The following IQCK variants were observed in gnomAD, a reference collection of about 807,000 sequenced individuals.
IQCK encodes the protein IQ motif containing K, also known as IQ domain-containing protein K.
Under a neutral mutation model 28.1 loss-of-function variants are expected in IQCK, and 29 were observed. That is an observed-to-expected ratio of 1.03 (90% CI 0.77 to 1.41). The LOEUF is 1.41. Ranked by LOEUF, IQCK falls within the 40% of genes most tolerant of loss-of-function variation. The probability of loss-of-function intolerance (pLI) is 0.00; values close to 1 mark genes in which losing one functional copy is unlikely to be tolerated. For missense variants in IQCK, 359 were observed against 314.7 expected, an observed-to-expected ratio of 1.14 and a Z score of -1.07; for synonymous variants, 113 against 115.1, an observed-to-expected ratio of 0.98 and a Z score of 0.12.
chr16:19,836,755 G>C (rs1483164443), intron 9 of IQCK, among the ~76,000 whole-genome samples: 1 of 152,072 alleles, frequency 6.6e-6, no homozygotes, highest in East Asian at 1.9e-4. Context: ...TTTGTGATCC[G>C]CCCGCCCTGG....
Position 19,779,225 on chromosome 16 carries a change from G to A in IQCK, c.606-9613G>A, listed in dbSNP as rs1443331526. ...GAAATCAACCTAATAGTGCATACAGGGAGGTGACTACAGTGAAGAGATGAT... is the reference window on the plus strand; with the variant it reads ...GAAATCAACCTAATAGTGCATACAGAGAGGTGACTACAGTGAAGAGATGAT... On this transcript the variant is annotated intron_variant, in intron 6 of 7. Coordinates refer to ENST00000564186, the Ensembl canonical transcript of IQCK. Among the ~76,000 whole-genome samples the A allele has an allele frequency of 7.2e-5, 11 of 152,284 alleles. No individual in the cohort carries two copies. In the South Asian group the frequency reaches 2.1e-3, roughly 29 times the overall value.
In IQCK at chr16:19,801,918, G is replaced by A. The variant is rs147496233; in HGVS notation, c.690+12996G>A. Among the ~76,000 whole-genome samples the A allele has an allele frequency of 1.8e-3, 270 of 147,658 alleles. 8 individuals carry two copies. Among genetic ancestry groups the A allele is most frequent in the South Asian group, 5.6e-3 (27 of 4,816 alleles). On this transcript the variant is annotated intron_variant, in intron 7 of 7. Coordinates refer to ENST00000564186, the Ensembl canonical transcript of IQCK. ...ACAGCTCAGGATAAAAACCAAACAC[G>A]TATGGAAAGGACCTTTAAACAATAC...
intron 1 of IQCK, among the ~76,000 whole-genome samples, chr16:19,723,414 T>C (rs1285421658): frequency 6.6e-6 from 1 of 152,186 alleles, no homozygotes; most frequent in Non-Finnish European, 1.5e-5. Context: ...CAACCATTTA[T>C]TGAGCTGCTG....
intron 6 of IQCK, among the ~76,000 whole-genome samples, chr16:19,772,338 GT>G (rs1453446545): frequency 1.3e-5 from 2 of 152,100 alleles, no homozygotes; most frequent in Non-Finnish European, 2.9e-5. Context: ...AATCAAGACA[GT>G]TTGTTTTTAA....
intron 7 of IQCK, among the ~76,000 whole-genome samples, chr16:19,792,770 C>T (rs1181408546): frequency 8.8e-6 from 1 of 113,700 alleles, no homozygotes; most frequent in Admixed American, 7.6e-5. Context: ...CGGAGGGGGG[C>T]GTTTCACCAT....
chr16:19,792,567 A>G (rs1484574462), intron 7 of IQCK, among the ~76,000 whole-genome samples: 1 of 103,748 alleles, frequency 9.6e-6, no homozygotes, highest in African/African-American at 9.1e-5. Context: ...TATACTGAAC[A>G]CCTTTTTTTT....
rs760463677 is a variant in IQCK, at chr16:19,757,170, G to A, written c.475-6678G>A. Among the ~76,000 whole-genome samples, 41 of 152,106 alleles carry A rather than the reference G, an allele frequency of 2.7e-4. 2 individuals carry two copies. The highest frequency in any genetic ancestry group is 1.6e-4 in the Non-Finnish European group (11 of 68,018). On this transcript the variant is annotated intron_variant, in intron 4 of 7. Coordinates refer to ENST00000564186, the Ensembl canonical transcript of IQCK. ...AAAGAGTCTCAACCAACACAGTGCC[G>A]TAGCCAGCCACACTTCAGTCCCCTG...
At chr16:19,832,168 G>A (rs201806324), downstream of IQCK, among the ~76,000 whole-genome samples, 1 of 151,612 alleles carries the variant, frequency 6.6e-6, no homozygotes, top group Non-Finnish European at 1.5e-5. Context: ...AATCTAGTAT[G>A]AGCAGGGAGA....
At chr16:19,768,430 G>A (rs1193305778) in intron 6 of IQCK, among the ~76,000 whole-genome samples, 1 of 152,122 alleles carries the variant, frequency 6.6e-6, no homozygotes, top group African/African-American at 2.4e-5. Context: ...CTGAGCTTTT[G>A]GGATAGATAA....
chr16:19,814,220 C>CAAA (rs71146272), intron 7 of IQCK, among the ~76,000 whole-genome samples: 6 of 19,424 alleles, frequency 3.1e-4, no homozygotes, highest in African/African-American at 5.3e-4. Context: ...AACTCTATCT[C>CAAA]AAAAAAAAAA....
chr16:19,737,017 C>T (rs2054765470), intron 4 of IQCK, among the ~76,000 whole-genome samples: 1 of 151,300 alleles, frequency 6.6e-6, no homozygotes, highest in African/African-American at 2.4e-5. Flanking sequence ...AGAAAATTAG[C>T]CAGGCATGGT....
chr16:19,823,745 T>C (rs1342644369), intron 7 of IQCK, among the ~76,000 whole-genome samples: 1 of 152,180 alleles, frequency 6.6e-6, no homozygotes, highest in Non-Finnish European at 1.5e-5. Context: ...GAGACCAGCC[T>C]GGCCAACATG....
exon 3 of IQCK, chr16:19,733,747 A>T (rs376042830): frequency 6.2e-6 from 10 of 1,614,154 alleles, no homozygotes; most frequent in Non-Finnish European, 7.6e-6. Context: ...GCAGAGCACT[A>T]TTTTCCGGTT....
At chr16:19,806,549 G>C (rs1332685844) in intron 7 of IQCK, among the ~76,000 whole-genome samples, 3 of 151,086 alleles carry the variant, frequency 2.0e-5, no homozygotes, top group Admixed American at 6.6e-5. Flanking sequence ...AAATAGCTGA[G>C]TGTGGTGGCA....
Position 19,730,413 on chromosome 16 carries a change from T to A in IQCK, c.182-17T>A. 1 of 1,577,670 alleles carries A rather than the reference T, an allele frequency of 6.3e-7. No homozygotes were observed. The highest frequency in any genetic ancestry group is 1.2e-5 in the South Asian group (1 of 85,042). On this transcript the variant is annotated splice_polypyrimidine_tract_variant and intron_variant, in intron 1 of 7. Coordinates refer to ENST00000564186, the Ensembl canonical transcript of IQCK. ...AGTGAAGTATGGAATTGAGGATTTT[T>A]TTTCCCTTCCCTTTAGAGTATGAAG...
chr16:19,821,278 C>CA (rs1232445574), intron 7 of IQCK, among the ~76,000 whole-genome samples: 1 of 152,190 alleles, frequency 6.6e-6, no homozygotes, highest in African/African-American at 2.4e-5. Context: ...TTAGAGCCCT[C>CA]ATTCATTGCT....
chr16:19,839,275 C>T lies in IQCK; in HGVS notation c.802+12138C>T, dbSNP rs551529054. 1.4e-4 allele frequency among the ~76,000 whole-genome samples: 21 copies of T among 151,770 alleles called. No homozygotes were observed. The South Asian group carries it at 4.2e-3, about 30-fold the overall frequency. On this transcript the variant is annotated intron_variant, in intron 9 of 9. Coordinates refer to the IQCK transcript ENST00000320394. ...TCCAGGGTTCAAGGGTTCCTCCTGC[C>T]TCAGCCTCCCGAGTAGCTGGGATTA...
intron 1 of IQCK, among the ~76,000 whole-genome samples, chr16:19,721,824 C>T (rs1163656151): frequency 3.3e-5 from 5 of 152,100 alleles, no homozygotes; most frequent in Non-Finnish European, 7.3e-5. Flanking sequence ...GCAGTCAGCC[C>T]GCCTCATCCT....
At position 19,718,708 on chromosome 16, in the gene IQCK, T is replaced by C. The variant is rs190574093; in HGVS notation, c.181+221T>C. On this transcript the variant is annotated intron_variant, in intron 1 of 7. Coordinates refer to ENST00000564186, the Ensembl canonical transcript of IQCK. ...CTCCAATCGCGATCCGTAGTGAGGT[T>C]AAAGGCAAGGGAACGGCGAGGGAAA... 4.0e-3 allele frequency among the ~76,000 whole-genome samples: 610 copies of C among 152,038 alleles called. 3 individuals carry two copies. Among genetic ancestry groups the C allele is most frequent in the African/African-American group, 0.014 (561 of 41,474 alleles).
Sources: gnomAD v4.1 joint callset for allele counts (sites outside exome capture counted in the v4.1 genomes callset) on GRCh38, gnomAD v4.1.1 for gene constraint, MANE v1.5 for transcripts, NCBI Gene and HGNC (gene_info 2026-07-23, HGNC 2026-07-21) for gene names.